The following NMT2 variants were observed in gnomAD, a reference collection of about 807,000 sequenced individuals.
NMT2 encodes the protein glycylpeptide N-tetradecanoyltransferase 2.
NMT2 carries 35 observed loss-of-function variants against 65.4 expected under a neutral mutation model. That is an observed-to-expected ratio of 0.54 (90% CI 0.41 to 0.71). The LOEUF (loss-of-function observed/expected upper bound fraction) is 0.71. NMT2 is among the 30% of genes least tolerant of loss of function. NMT2 has a pLI of 0.00. For missense variants in NMT2, 489 were observed against 611.3 expected, an observed-to-expected ratio of 0.80 and a Z score of 2.11; for synonymous variants, 226 against 231.8, an observed-to-expected ratio of 0.98 and a Z score of 0.23.
At chr10:15,143,931 A>G (rs1846866695) in intron 1 of NMT2, among the ~76,000 whole-genome samples, 1 of 152,228 alleles carries the variant, frequency 6.6e-6, no homozygotes, top group Non-Finnish European at 1.5e-5. Flanking sequence ...ACTTGAGGGG[A>G]TCTGGAGACA....
At chr10:15,134,261 A>C (rs1488991409) in intron 3 of NMT2, among the ~76,000 whole-genome samples, 1 of 152,044 alleles carries the variant, frequency 6.6e-6, no homozygotes, top group Non-Finnish European at 1.5e-5. Context: ...TGGTAGGACT[A>C]AAACCCAGGC....
At chr10:15,168,302 C>G in intron 1 of NMT2, 1 of 446,692 alleles carries the variant, frequency 2.2e-6, no homozygotes, top group South Asian at 2.9e-5. Flanking sequence ...CCGCCCACCC[C>G]GGGCCTCGCC....
chr10:15,108,582 T>C lies in NMT2; in HGVS notation c.*613A>G, dbSNP rs1242281210. On this transcript the variant is annotated 3_prime_UTR_variant, in exon 12 of 12. Transcript: ENST00000378165. Reference sequence around the variant, plus strand: ...AAGATCAAAGTACAAACTTGCATGTTTATTGATTCGGCAACTCTGCTTATG... The same window carrying C: ...AAGATCAAAGTACAAACTTGCATGTCTATTGATTCGGCAACTCTGCTTATG... 1 of 985,922 alleles carries C rather than the reference T, an allele frequency of 1.0e-6. No homozygotes were observed. Among genetic ancestry groups the C allele is most frequent in the Admixed American group, 6.1e-5 (1 of 16,264 alleles). The allele number at this position is 985,922 out of a possible 1,614,324, so 61.1% of individuals were successfully genotyped here.
intron 7 of NMT2, among the ~76,000 whole-genome samples, chr10:15,129,409 T>C (rs1564569739): frequency 1.3e-5 from 2 of 152,222 alleles, no homozygotes; most frequent in Non-Finnish European, 2.9e-5. Flanking sequence ...ATTTTCTCAC[T>C]GGAATAACCT....
chr10:15,110,608 CCTG>C lies in NMT2; in HGVS notation c.1339-772_1339-770del, dbSNP rs1845479033. Among the ~76,000 whole-genome samples the C allele has an allele frequency of 2.0e-5, 3 of 151,552 alleles. No homozygotes were observed. The South Asian group carries it at 6.2e-4, about 31-fold the overall frequency. On this transcript the variant is annotated intron_variant, in intron 10 of 11. Transcript: ENST00000378165. ...CTGTGATTGTGCCAGTGCACTTAAA[CCTG>C]AGCAACAGAGTGAGCGCCTGTCTCA... is the stretch of plus-strand genomic sequence containing the variant.
chr10:15,106,702 TA>T lies in NMT2; in HGVS notation c.*2492del. The T allele has an allele frequency of 1.0e-6, 1 of 964,184 alleles. No individual in the cohort carries two copies. The highest frequency in any genetic ancestry group is 4.8e-5 in the South Asian group (1 of 20,886). 59.7% of individuals were successfully genotyped at this position (964,184 alleles called of 1,614,324 possible). A position where few individuals can be genotyped will look rare whatever the true frequency, so the allele number is the denominator to read the frequency against. On this transcript the variant is annotated 3_prime_UTR_variant, in exon 12 of 12. Transcript: ENST00000378165. ...GTGACCAAGGTCAACAAACTTTCTG[TA>T]AAAGACCAGAGAGTGAATATCTTAG...
At position 15,119,446 on chromosome 10, in the gene NMT2, T is replaced by G; in HGVS notation, c.1067A>C (p.Asn356Thr). The G allele has an allele frequency of 1.2e-6, 2 of 1,614,080 alleles. No individual in the cohort carries two copies. The highest frequency in any genetic ancestry group is 1.7e-6 in the Non-Finnish European group (2 of 1,179,954). The change falls in exon 9 of 12, where the codon AAC becomes ACC. Residue 356 changes from asparagine to threonine, a missense_variant. Asn to Thr is a moderately conservative substitution (Grantham distance 65). Transcript: ENST00000378165. ...KDIKSVRELI[N>T]TYLKQFHLAP... The stretch of plus-strand genomic sequence containing the variant: ...CAGATGAAACTGCTTCAGGTAAGTG[T>G]TGATTAATTCTCGAACTGATTTGAT...
intron 10 of NMT2, chr10:15,111,635 T>A (rs1845521416): frequency 6.6e-6 from 1 of 151,410 alleles, no homozygotes; most frequent in South Asian, 2.1e-4. Flanking sequence ...CAGACAATAA[T>A]ACTATGCAAA....
intron 7 of NMT2, 27 bp from the exon 8 acceptor site, chr10:15,128,485 C>A: frequency 7.4e-7 from 1 of 1,357,828 alleles, no homozygotes; most frequent in South Asian, 1.2e-5. Flanking sequence ...GTTTTAAAAT[C>A]AAATTGATTT....
In NMT2 at chr10:15,108,664, C is replaced by A. The variant is rs1554819741; in HGVS notation, c.*531G>T. The A allele has an allele frequency of 1.0e-6, 1 of 990,036 alleles. No individual in the cohort carries two copies. The highest frequency in any genetic ancestry group is 1.7e-5 in the African/African-American group (1 of 57,268). 61.3% of individuals were successfully genotyped at this position (990,036 alleles called of 1,614,324 possible). ...TTAATATTGCTCTGCACTTAAACAA[C>A]CACCACCTGTCACTGAGCTACAGAA... is the stretch of plus-strand genomic sequence containing the variant. On this transcript the variant is annotated 3_prime_UTR_variant, in exon 12 of 12. Coordinates refer to ENST00000378165, the MANE Select transcript of NMT2 (RefSeq NM_004808.3).
chr10:15,148,467 C>T (rs532291661), intron 1 of NMT2, among the ~76,000 whole-genome samples: 3 of 152,140 alleles, frequency 2.0e-5, no homozygotes, highest in Admixed American at 6.5e-5. Context: ...GAGCCGTGAT[C>T]GTGCCACTAC....
At chr10:15,148,346 C>CA (rs1847032875) in intron 1 of NMT2, among the ~76,000 whole-genome samples, 1 of 151,998 alleles carries the variant, frequency 6.6e-6, no homozygotes, top group South Asian at 2.1e-4. Flanking sequence ...CTAGTCTTTA[C>CA]AAAAAATAAA....
At position 15,107,456 on chromosome 10, in the gene NMT2, C is replaced by G; in HGVS notation, c.*1739G>C. 1.0e-6 allele frequency: 1 copy of G among 985,196 alleles called. No individual in the cohort carries two copies. The highest frequency in any genetic ancestry group is 5.2e-4 in the Middle Eastern group (1 of 1,914). The allele number at this position is 985,196 out of a possible 1,614,324, so 61.0% of individuals were successfully genotyped here. On this transcript the variant is annotated 3_prime_UTR_variant, in exon 12 of 12. Coordinates refer to ENST00000378165, the MANE Select transcript of NMT2 (RefSeq NM_004808.3). ...GCCCAGTAAAAGCAGGGAAAAGTAT[C>G]TACTTTTGTTTTTTGAGACGGAGTC...
chr10:15,157,976 A>G (rs949319700), intron 1 of NMT2, among the ~76,000 whole-genome samples: 1 of 152,210 alleles, frequency 6.6e-6, no homozygotes, highest in Non-Finnish European at 1.5e-5. Context: ...ATTAAAACTG[A>G]TAAGCCACAA....
At chr10:15,168,343 C>T (rs1391221536) in intron 1 of NMT2, 160 bp downstream of exon 1, 2 of 591,624 alleles carry the variant, frequency 3.4e-6, no homozygotes, top group East Asian at 3.6e-5. Context: ...CCGCGAGCCG[C>T]GCGCCCCGGA....
At chr10:15,132,735 A>G in intron 6 of NMT2, 82 bp downstream of exon 6, 2 of 1,035,826 alleles carry the variant, frequency 1.9e-6, no homozygotes, top group Non-Finnish European at 1.4e-6. Flanking sequence ...GCCTGCATTC[A>G]GTAACTTTTA....
At chr10:15,153,479 C>T (rs963532818) in intron 1 of NMT2, among the ~76,000 whole-genome samples, 7 of 152,268 alleles carry the variant, frequency 4.6e-5, no homozygotes, top group South Asian at 4.1e-4. Context: ...AGAAGTTCAG[C>T]GCAGGGAGAA....
chr10:15,109,570 C>CA (rs1554819917), intron 11 of NMT2, 132 bp downstream of exon 11: 1,131 of 748,812 alleles, frequency 1.5e-3, no homozygotes, highest in Non-Finnish European at 1.7e-3. Flanking sequence ...GACTTCATCT[C>CA]AAAAAAATAA....
chr10:15,139,863 CTA>C (rs201561074), intron 2 of NMT2: 1,642 of 67,544 alleles, frequency 0.024, 29 homozygotes, highest in East Asian at 0.038. Flanking sequence ...GTAACAACTA[CTA>C]TATATATATA....
Sources: allele counts gnomAD v4.1 joint callset (sites outside exome capture counted in the v4.1 genomes callset), GRCh38; gene constraint gnomAD v4.1.1; transcripts MANE v1.5; gene names NCBI Gene and HGNC (gene_info 2026-07-23, HGNC 2026-07-21).